The following TUSC3 variants were observed in gnomAD, a reference collection of about 807,000 sequenced individuals.
TUSC3 encodes the protein tumor suppressor candidate 3, also known as dolichyl-diphosphooligosaccharide--protein glycosyltransferase subunit TUSC3.
TUSC3 carries 45 observed loss-of-function variants against 44.8 expected under a neutral mutation model. That is an observed-to-expected ratio of 1.00 (90% CI 0.79 to 1.29). TUSC3 has a LOEUF of 1.29. TUSC3 is among the 50% of genes most tolerant of loss of function. The pLI, the probability that TUSC3 is intolerant of heterozygous loss-of-function variation, is 0.00. For missense variants in TUSC3, 519 were observed against 437.9 expected (o/e 1.19, Z -1.65); for synonymous variants, 212 against 152.9 (o/e 1.39, Z -2.85).
chr8:15,622,258 G>A (rs1429080), intron 1 of TUSC3, among the ~76,000 whole-genome samples: 123,258 of 152,008 alleles, frequency 0.81, 50,507 homozygotes, highest in Non-Finnish European at 0.87. Context: ...GTTCAAGTAA[G>A]ATGAATGTTC....
chr8:15,555,311 T>A (rs1406508095), intron 1 of TUSC3, among the ~76,000 whole-genome samples: 1 of 130,682 alleles, frequency 7.7e-6, no homozygotes, highest in Non-Finnish European at 1.6e-5. Context: ...TTTTTTTTTT[T>A]AAAGACATGG....
At chr8:15,804,147 C>A in the TUSC3 span, among the ~76,000 whole-genome samples, 1 of 152,196 alleles carries the variant, frequency 6.6e-6, no homozygotes, top group Non-Finnish European at 1.5e-5. Context: ...AACGGTTGAA[C>A]TAATTTATAC....
intron 6 of TUSC3, among the ~76,000 whole-genome samples, chr8:15,729,019 T>A (rs1045946148): frequency 6.6e-6 from 1 of 152,144 alleles, no homozygotes; most frequent in Non-Finnish European, 1.5e-5. Context: ...ATTGATGACC[T>A]TGACAAAAGA....
chr8:15,835,351 A>G, the TUSC3 span, among the ~76,000 whole-genome samples: 14 of 150,724 alleles, frequency 9.3e-5, no homozygotes, highest in South Asian at 2.1e-4. Flanking sequence ...ATTAATTTAT[A>G]TGAGGATTCA....
intron 2 of TUSC3, among the ~76,000 whole-genome samples, chr8:15,527,113 G>A (rs557177077): frequency 5.3e-5 from 8 of 152,232 alleles, no homozygotes; most frequent in South Asian, 2.1e-4. Context: ...GCATATTGGC[G>A]TGCACTGCTT....
intron 1 of TUSC3, among the ~76,000 whole-genome samples, chr8:15,459,796 T>G (rs2129121698): frequency 6.6e-6 from 1 of 152,190 alleles, no homozygotes; most frequent in South Asian, 2.1e-4. Flanking sequence ...CGAGTGCCAT[T>G]AATTCATTCC....
chr8:15,779,102 T>TC, the TUSC3 span, among the ~76,000 whole-genome samples: 1 of 112,946 alleles, frequency 8.9e-6, no homozygotes, highest in South Asian at 2.9e-4. Context: ...TGTTTTCTTT[T>TC]TTTTTTTTTT....
At chr8:15,530,750 A>C (rs960492164) in intron 2 of TUSC3, among the ~76,000 whole-genome samples, 1 of 152,222 alleles carries the variant, frequency 6.6e-6, no homozygotes, top group African/African-American at 2.4e-5. Flanking sequence ...GTGTGTATCT[A>C]TTCTGAGGTT....
the TUSC3 span, among the ~76,000 whole-genome samples, chr8:15,774,807 GA>G: frequency 6.6e-6 from 1 of 151,896 alleles, no homozygotes; most frequent in Non-Finnish European, 1.5e-5. Flanking sequence ...ACACCCATCA[GA>G]ATGTATTTTT....
At position 15,692,784 on chromosome 8, in the gene TUSC3, C is replaced by T. The variant is rs1184260202; in HGVS notation, c.798+18948C>T. 2.6e-5 allele frequency among the ~76,000 whole-genome samples: 4 copies of T among 151,708 alleles called. No homozygotes were observed. In the East Asian group the frequency reaches 7.8e-4, roughly 29 times the overall value. ...GCTAGTGGTCAATTTACTAGTTTTC[C>T]ACTATTGGACTGTGTGGTTATGTCA... On this transcript the variant is annotated intron_variant, in intron 6 of 10. Transcript: ENST00000503731.
chr8:15,539,285 A>G (rs1801588659), upstream of TUSC3, among the ~76,000 whole-genome samples: 1 of 149,744 alleles, frequency 6.7e-6, no homozygotes, highest in South Asian at 2.2e-4. Context: ...AAAAACCATG[A>G]TGCATTAGAA....
At chr8:15,787,841 A>G in the TUSC3 span, among the ~76,000 whole-genome samples, 1 of 152,220 alleles carries the variant, frequency 6.6e-6, no homozygotes, top group Non-Finnish European at 1.5e-5. Context: ...AAGAATTAAC[A>G]TGTGCCAGGT....
chr8:15,573,692 C>A (rs1202415929), intron 1 of TUSC3, among the ~76,000 whole-genome samples: 1 of 152,014 alleles, frequency 6.6e-6, no homozygotes, highest in Admixed American at 6.6e-5. Context: ...TTTTGCCCTG[C>A]AGGAGATACA....
chr8:15,429,081 T>G (rs62500493), intron 1 of TUSC3, among the ~76,000 whole-genome samples: 9,799 of 152,250 alleles, frequency 0.064, 383 homozygotes, highest in East Asian at 0.16. Context: ...TAGGTTTTCT[T>G]CTAGGGTTTT....
intron 6 of TUSC3, among the ~76,000 whole-genome samples, chr8:15,687,088 C>CA (rs1336454624): frequency 6.6e-6 from 1 of 151,860 alleles, no homozygotes; most frequent in African/African-American, 2.4e-5. Context: ...AAACAAAAAA[C>CA]AAAAAAATGG....
At chr8:15,740,772 A>T (rs1479527641) in intron 7 of TUSC3, among the ~76,000 whole-genome samples, 1 of 152,160 alleles carries the variant, frequency 6.6e-6, no homozygotes, top group Non-Finnish European at 1.5e-5. Context: ...CAAAAATTCC[A>T]CTTATGGTTA....
At chr8:15,522,527 C>T (rs1801311930) in intron 2 of TUSC3, among the ~76,000 whole-genome samples, 5 of 151,934 alleles carry the variant, frequency 3.3e-5, no homozygotes, top group Admixed American at 3.3e-4. Context: ...GCCACCATGC[C>T]CAGCCTATTC....
intron 1 of TUSC3, among the ~76,000 whole-genome samples, chr8:15,550,750 C>T (rs558173556): frequency 6.6e-6 from 1 of 151,560 alleles, no homozygotes; most frequent in Non-Finnish European, 1.5e-5. Flanking sequence ...CATCTCACTG[C>T]AACCTCTGCC....
chr8:15,756,456 C>T (rs1226110271), intron 9 of TUSC3, among the ~76,000 whole-genome samples: 1 of 152,154 alleles, frequency 6.6e-6, no homozygotes, highest in Non-Finnish European at 1.5e-5. Context: ...GCCATTTCAG[C>T]AACTGATTAT....
Sources: gnomAD v4.1 joint callset for allele counts (sites outside exome capture counted in the v4.1 genomes callset) on GRCh38, gnomAD v4.1.1 for gene constraint, MANE v1.5 for transcripts, NCBI Gene and HGNC (gene_info 2026-07-23, HGNC 2026-07-21) for gene names.